Variants in AGBL4 observed in about 807,000 individuals in gnomAD.
The protein encoded by AGBL4 is cytosolic carboxypeptidase 6.
In AGBL4, 58 loss-of-function variants were observed where a neutral mutation model predicts 66.4. The observed-to-expected ratio is 0.87, with a 90% CI of 0.71 to 1.09. AGBL4 has a LOEUF of 1.09. Among genes scored for constraint, AGBL4 ranks in the 50% least tolerant of loss-of-function variants. The pLI is 0.00. For synonymous variants in AGBL4, 234 were observed against 222.9 expected (o/e 1.05, Z -0.44); for missense variants, 579 against 631.0 (o/e 0.92, Z 0.88).
At chr1:49,775,256 T>C (rs1274555974) in intron 2 of AGBL4, among the ~76,000 whole-genome samples, 1 of 152,198 alleles carries the variant, frequency 6.6e-6, no homozygotes, top group African/African-American at 2.4e-5. Flanking sequence ...CTCAGTGCCC[T>C]CATCCATAAA....
At chr1:49,752,651 G>A (rs4926828) in intron 2 of AGBL4, among the ~76,000 whole-genome samples, 138,239 of 152,202 alleles carry the variant, frequency 0.91, 63,018 homozygotes, top group African/African-American at 0.97. Context: ...CCATCTGTCT[G>A]ATATTGACAG....
At chr1:48,665,008 T>C (rs1160418405) in intron 6 of AGBL4, among the ~76,000 whole-genome samples, 1 of 152,226 alleles carries the variant, frequency 6.6e-6, no homozygotes, top group Non-Finnish European at 1.5e-5. Context: ...CGTGGTTCTT[T>C]ATCCCAACAG....
chr1:48,991,281 C>A (rs1385367570), intron 5 of AGBL4, among the ~76,000 whole-genome samples: 1 of 151,836 alleles, frequency 6.6e-6, no homozygotes, highest in African/African-American at 2.4e-5. Flanking sequence ...TGTGTTTTTC[C>A]TTCAGCACTT....
chr1:49,964,677 T>C (rs1657407808), intron 1 of AGBL4, among the ~76,000 whole-genome samples: 2 of 152,286 alleles, frequency 1.3e-5, no homozygotes, highest in South Asian at 2.1e-4. Flanking sequence ...ATCTATTAGA[T>C]TTTAAAACAA....
chr1:48,815,593 A>T (rs1457252468), intron 6 of AGBL4, among the ~76,000 whole-genome samples: 2 of 152,198 alleles, frequency 1.3e-5, no homozygotes, highest in Non-Finnish European at 2.9e-5. Flanking sequence ...TTTTGAGAGA[A>T]GTAAACTATA....
At chr1:49,847,431 G>C (rs1313894593) in intron 2 of AGBL4, among the ~76,000 whole-genome samples, 7 of 152,062 alleles carry the variant, frequency 4.6e-5, no homozygotes, top group Admixed American at 3.9e-4. Context: ...AAACTAAAAA[G>C]CTTCCACACA....
At chr1:49,085,705 A>C (rs188495145) in intron 4 of AGBL4, among the ~76,000 whole-genome samples, 1 of 152,172 alleles carries the variant, frequency 6.6e-6, no homozygotes, top group Non-Finnish European at 1.5e-5. Flanking sequence ...TGAGGCAGAA[A>C]AAGTTATCCA....
chr1:48,648,672 A>G (rs568194937), intron 8 of AGBL4, among the ~76,000 whole-genome samples: 2 of 152,332 alleles, frequency 1.3e-5, no homozygotes, highest in East Asian at 3.9e-4. Context: ...CAGTTTCCCC[A>G]TGGCTGAAAT....
chr1:48,861,939 C>G (rs1484856200), intron 6 of AGBL4, among the ~76,000 whole-genome samples: 1 of 152,134 alleles, frequency 6.6e-6, no homozygotes, highest in Non-Finnish European at 1.5e-5. Context: ...TTTCTCATTT[C>G]CCTGGTTTCC....
chr1:49,175,230 TAAG>T (rs1042878960), intron 4 of AGBL4: 11 of 151,918 alleles, frequency 7.2e-5, no homozygotes, highest in African/African-American at 2.4e-4. Context: ...TGTAAGTTGA[TAAG>T]GAGGGAAATG....
intron 6 of AGBL4, among the ~76,000 whole-genome samples, chr1:48,678,752 T>C (rs879013896): frequency 1.2e-4 from 18 of 152,220 alleles, no homozygotes; most frequent in Admixed American, 1.3e-4. Flanking sequence ...GCAAGGCCAT[T>C]CTCCAGTTCC....
chr1:49,037,139 A>G (rs1293514071), intron 5 of AGBL4, among the ~76,000 whole-genome samples: 6 of 152,224 alleles, frequency 3.9e-5, no homozygotes, highest in Admixed American at 2.0e-4. Context: ...TGATTAATAT[A>G]TTTGCTAAGT....
chr1:49,845,151 G>A, intron 2 of AGBL4: 1 of 1,397,342 alleles, frequency 7.2e-7, no homozygotes, highest in African/African-American at 1.4e-5. Context: ...ATACAGGACA[G>A]AGACCTTATG....
In AGBL4 at chr1:48,534,230, G is replaced by T; in HGVS notation, c.1455C>A (p.Asn485Lys). 1 of 1,551,716 alleles carries T rather than the reference G, an allele frequency of 6.4e-7. No individual in the cohort carries two copies. Among genetic ancestry groups the T allele is most frequent in the East Asian group, 2.4e-5 (1 of 40,914 alleles). Residue 485 changes from asparagine (N) to lysine (K), a missense_variant, in exon 14 of 14, where the codon AAC becomes AAA. Physicochemically the swap from Asn to Lys is moderately conservative, Grantham distance 94 (BLOSUM62 0). Transcript: ENST00000371839. The stretch of plus-strand genomic sequence containing the variant: ...CTGAGCTCTTCTTGTCCCCTTTGCT[G>T]TTGGGGTAGTTGCTGGCTGGGCCCC... ...LLRGPASNYP[N>K]SKGDKKSSVN...
intron 3 of AGBL4, among the ~76,000 whole-genome samples, chr1:49,678,686 T>G (rs1028160534): frequency 6.6e-6 from 1 of 152,188 alleles, no homozygotes; most frequent in Admixed American, 6.6e-5. Flanking sequence ...CTGTGTTTTT[T>G]AAATTTCATT....
intron 3 of AGBL4, among the ~76,000 whole-genome samples, chr1:49,479,551 G>A (rs560829525): frequency 2.6e-5 from 4 of 152,014 alleles, no homozygotes; most frequent in African/African-American, 9.6e-5. Flanking sequence ...GTGAGAACGT[G>A]GGGTATTTGG....
Position 49,301,749 on chromosome 1 carries a change from C to T in AGBL4, c.283-55885G>A, listed in dbSNP as rs1001909507. Among the ~76,000 whole-genome samples, 13 of 152,254 alleles carry T rather than the reference C, an allele frequency of 8.5e-5. No homozygotes were observed. In the South Asian group the frequency reaches 2.5e-3, roughly 29 times the overall value. ...ACTGTTGTTTGAGATATTTTTTAGA[C>T]CTTCCATTCTGGCAGACCAATTGAC... On this transcript the variant is annotated intron_variant, in intron 3 of 13. Transcript: ENST00000371839.
intron 6 of AGBL4, among the ~76,000 whole-genome samples, chr1:48,791,383 A>G (rs1006694249): frequency 3.9e-5 from 6 of 152,132 alleles, no homozygotes; most frequent in Non-Finnish European, 7.4e-5. Context: ...CTTGGAGTCT[A>G]TCTATAGTCC....
intron 11 of AGBL4, among the ~76,000 whole-genome samples, chr1:48,579,532 C>T (rs567659947): frequency 5.9e-4 from 90 of 151,646 alleles, no homozygotes; most frequent in Non-Finnish European, 1.0e-3. Flanking sequence ...TGAGCCACTG[C>T]GCCCAGCCCC....
Sources: allele counts gnomAD v4.1 joint callset (sites outside exome capture counted in the v4.1 genomes callset), GRCh38; gene constraint gnomAD v4.1.1; transcripts MANE v1.5; gene names NCBI Gene and HGNC (gene_info 2026-07-23, HGNC 2026-07-21).